Variants in ZNF839 observed in about 807,000 individuals in gnomAD.
ZNF839 encodes renal carcinoma antigen NY-REN-50.
A neutral mutation model predicts 56.4 loss-of-function variants in ZNF839; 38 were observed. The ratio of observed to expected loss-of-function variants is 0.67; its 90% CI spans 0.52 to 0.88. ZNF839 has a LOEUF of 0.88. ZNF839 is among the 40% of genes least tolerant of loss of function. The pLI is 0.00. For synonymous variants in ZNF839, 486 were observed against 493.5 expected, an observed-to-expected ratio of 0.98 and a Z score of 0.20; for missense variants, 1,091 against 1,177.6, an observed-to-expected ratio of 0.93 and a Z score of 1.08.
chr14:102,339,581 C>T (rs1886262156), intron 7 of ZNF839, among the ~76,000 whole-genome samples: 1 of 152,116 alleles, frequency 6.6e-6, no homozygotes, highest in Non-Finnish European at 1.5e-5. Context: ...CCCGTCTCTA[C>T]TAAAAATACA....
At position 102,326,425 on chromosome 14, in the gene ZNF839, G is replaced by A. The variant is rs376366454; in HGVS notation, c.729G>A (p.Ser243=). The A allele has an allele frequency of 1.2e-5, 19 of 1,613,728 alleles. No individual in the cohort carries two copies. In the African/African-American group the frequency reaches 1.5e-4, roughly 12 times the overall value. Residue 243 remains serine (S), a synonymous_variant, in exon 2 of 8, where the codon TCG becomes TCA. Coordinates refer to ENST00000442396, the MANE Select transcript of ZNF839 (RefSeq NM_018335.6). This position sits in a 1 kb window ranked among gnomAD's most constrained non-coding sequence, Gnocchi z 4.3. The part of the protein sequence containing the change: ...HTRHTEKLKK[S]LKVKTRSGRV... ...GACATACTGAGAAACTAAAAAAATC[G>A]TTAAAAGTAAAGACACGTTCTGGAC... is the stretch of plus-strand genomic sequence containing the variant.
chr14:102,334,558 T>C lies in ZNF839; in HGVS notation c.1421T>C (p.Leu474Pro). The change falls in exon 4 of 8, where the codon CTC becomes CCC. Residue 474 changes from leucine to proline, a missense_variant. Around this residue, in one of 3 missense-constraint regions of ZNF839, gnomAD observed 614 missense variants for 629.2 expected, o/e 0.98. Coordinates refer to ENST00000442396, the MANE Select transcript of ZNF839 (RefSeq NM_018335.6). ...TGAAATGCTTTCCCTTGGTAGTTCC[T>C]CCAGCAGTGTGACCGGGAGGATCTG... is the stretch of plus-strand genomic sequence containing the variant. The part of the protein sequence containing the change: ...SPSKARLKEF[L>P]QQCDREDLVE... 5.6e-6 allele frequency: 9 copies of C among 1,609,658 alleles called. No homozygotes were observed. The highest frequency in any genetic ancestry group is 6.8e-6 in the Non-Finnish European group (8 of 1,177,850).
At chr14:102,330,346 C>T (rs1022510271) in intron 2 of ZNF839, among the ~76,000 whole-genome samples, 1 of 151,968 alleles carries the variant, frequency 6.6e-6, no homozygotes. Context: ...GATTCTCCTG[C>T]CTCAGCCTCT....
upstream of ZNF839, chr14:102,319,221 A>G (rs1048327417): frequency 6.6e-6 from 1 of 152,226 alleles, no homozygotes; most frequent in African/African-American, 2.4e-5. This position sits in a 1 kb window ranked among gnomAD's most constrained non-coding sequence, Gnocchi z 4.5. Context: ...TGTGTAATAT[A>G]TCATCTCTCC....
chr14:102,318,188 C>A (rs2072953459), upstream of ZNF839, among the ~76,000 whole-genome samples: 2 of 152,222 alleles, frequency 1.3e-5, no homozygotes, highest in Non-Finnish European at 2.9e-5. Context: ...GATGTCACAT[C>A]TTTTAATAGT....
At chr14:102,329,062 C>G (rs1382575160) in intron 2 of ZNF839, among the ~76,000 whole-genome samples, 5 of 151,528 alleles carry the variant, frequency 3.3e-5, no homozygotes, top group African/African-American at 1.2e-4. Flanking sequence ...CTCTACCTCC[C>G]GGGTTCAAGT....
At chr14:102,334,714 T>G (rs907152430) in intron 4 of ZNF839, 68 bp downstream of exon 4, 6 of 849,092 alleles carry the variant, frequency 7.1e-6, no homozygotes, top group East Asian at 3.4e-5. Flanking sequence ...AATATTATTA[T>G]TTATTAATTA....
rs8004621 is a variant in ZNF839 at position 102,326,847 on chromosome 14, G to A, written c.1151G>A (p.Arg384His). Residue 384 changes from arginine to histidine, a missense_variant, in exon 2 of 8, where the codon CGC becomes CAC. Around this residue, in one of 3 missense-constraint regions of ZNF839, gnomAD observed 614 missense variants for 629.2 expected, o/e 0.98. Coordinates refer to ENST00000442396, the MANE Select transcript of ZNF839 (RefSeq NM_018335.6). The surrounding 1 kb of genome is among the most constrained non-coding windows in gnomAD (Gnocchi z 4.3). ...MPADPCEGGA[R>H]SCLVTESARG... ...GCGGATCCATGTGAGGGAGGGGCCC[G>A]CTCCTGCTTGGTGACAGAGTCAGCA... The A allele has an allele frequency of 3.5e-4, 570 of 1,608,348 alleles. 2 individuals are homozygous for A. In the African/African-American group the frequency reaches 6.5e-3, roughly 18 times the overall value.
intron 2 of ZNF839, among the ~76,000 whole-genome samples, chr14:102,328,674 G>A (rs1567289070): frequency 4.0e-5 from 6 of 151,674 alleles, no homozygotes; most frequent in Admixed American, 3.3e-4. Flanking sequence ...CCCAACCTTC[G>A]ACTTTCTGTC....
At chr14:102,325,700 G>T (rs2073372718) in intron 1 of ZNF839, among the ~76,000 whole-genome samples, 2 of 152,094 alleles carry the variant, frequency 1.3e-5, no homozygotes, top group Admixed American at 1.3e-4. Flanking sequence ...TCACCATGTT[G>T]GCCAGGTTGG....
Position 102,326,527 on chromosome 14 carries a change from G to C in ZNF839, c.831G>C (p.Leu277=). 1 of 1,614,056 alleles carries C rather than the reference G, an allele frequency of 6.2e-7. No homozygotes were observed. Residue 277 remains leucine (L), a synonymous_variant, in exon 2 of 8, where the codon CTG becomes CTC. Transcript: ENST00000442396. This position sits in a 1 kb window ranked among gnomAD's most constrained non-coding sequence, Gnocchi z 4.3. ...IKTEDLADGH[L]SDSDDYSELC... is the part of the protein sequence containing the mutation. ...CAGAGGATCTGGCGGATGGTCATCTGTCAGATTCTGATGATTACTCAGAAC... is the reference window on the plus strand; with the variant it reads ...CAGAGGATCTGGCGGATGGTCATCTCTCAGATTCTGATGATTACTCAGAAC...
At chr14:102,323,321 T>G (rs2073232422) in intron 1 of ZNF839, among the ~76,000 whole-genome samples, 1 of 152,232 alleles carries the variant, frequency 6.6e-6, no homozygotes, top group South Asian at 2.1e-4. Flanking sequence ...TCTGAAATGT[T>G]GGTTGGGAAA....
chr14:102,338,406 T>TGG (rs1322628901), intron 5 of ZNF839, among the ~76,000 whole-genome samples: 10 of 151,638 alleles, frequency 6.6e-5, no homozygotes, highest in African/African-American at 2.4e-4. Context: ...GGCATGGTGG[T>TGG]GCATGCCTGT....
rs1047926366 is a variant in ZNF839, at chr14:102,325,349, A to C, written c.289-636A>C. On this transcript the variant is annotated intron_variant, in intron 1 of 7. Transcript: ENST00000442396. ...GTGAGACCCTAATCTCAGAAAAAAA[A>C]AAAAAAAATGATGTAGAATAGATAC... Among the ~76,000 whole-genome samples the C allele has an allele frequency of 3.3e-5, 5 of 152,076 alleles. No homozygotes were observed. In the Middle Eastern group the frequency reaches 0.01, roughly 310 times the overall value.
At position 102,335,914 on chromosome 14, in the gene ZNF839, T is replaced by TA. The variant is rs146281498; in HGVS notation, c.1659+77dup. ...GAAAGAAGGGCCACGTGCAGTGGCT[T>TA]ATGCTTGTAGTCCCAGTGCTTTGGG... On this transcript the variant is annotated intron_variant, in intron 5 of 7. Coordinates refer to ENST00000442396, the MANE Select transcript of ZNF839 (RefSeq NM_018335.6). The TA allele has an allele frequency of 1.6e-3, 2,403 of 1,530,646 alleles. 28 individuals are homozygous for TA. The African/African-American group carries it at 0.03, about 19-fold the overall frequency. The allele number at this position is 1,530,646 out of a possible 1,614,324, so 94.8% of individuals were successfully genotyped here. A position where few individuals can be genotyped will look rare whatever the true frequency, so the allele number is the denominator to read the frequency against.
Position 102,334,582 on chromosome 14 carries a change from T to A in ZNF839, c.1445T>A (p.Leu482Gln). Residue 482 changes from leucine (L) to glutamine (Q), a missense_variant, in exon 4 of 8, where the codon CTG becomes CAG. By Grantham distance (113) the Leu-to-Gln change is moderately radical. Coordinates refer to ENST00000442396, the MANE Select transcript of ZNF839 (RefSeq NM_018335.6). ...CTCCAGCAGTGTGACCGGGAGGATC[T>A]GGTGGAATTGGCTCTGCCTCAGCTG... is the stretch of plus-strand genomic sequence containing the variant. ...EFLQQCDRED[L>Q]VELALPQLAQ... 6.2e-7 allele frequency: 1 copy of A among 1,612,388 alleles called. No homozygotes were observed. Among genetic ancestry groups the A allele is most frequent in the South Asian group, 1.1e-5 (1 of 90,456 alleles).
chr14:102,326,778 A>T lies in ZNF839; in HGVS notation c.1082A>T (p.Glu361Val), dbSNP rs1050688712. Reference protein sequence around the residue: ...ASGSTLRGCTEERTLSLTSLG... With the variant: ...ASGSTLRGCTVERTLSLTSLG... ...GGAAGCACCCTCCGGGGGTGCACGG[A>T]GGAAAGGACGCTCAGCCTGACCTCC... Residue 361 changes from glutamate to valine, a missense_variant, in exon 2 of 8, where the codon GAG becomes GTG. By Grantham distance (121) the Glu-to-Val change is moderately radical. This residue lies in a region of ZNF839 where 614 missense variants were observed against 629.2 expected (regional missense o/e 0.98). Coordinates refer to ENST00000442396, the MANE Select transcript of ZNF839 (RefSeq NM_018335.6). This position sits in a 1 kb window ranked among gnomAD's most constrained non-coding sequence, Gnocchi z 4.3. 12 of 1,612,488 alleles carry T rather than the reference A, an allele frequency of 7.4e-6. No individual in the cohort carries two copies. The highest frequency in any genetic ancestry group is 1.0e-5 in the Non-Finnish European group (12 of 1,179,438).
At chr14:102,318,044 C>T (rs2072948545), upstream of ZNF839, among the ~76,000 whole-genome samples, 2 of 152,250 alleles carry the variant, frequency 1.3e-5, no homozygotes, top group South Asian at 4.1e-4. Context: ...TCAACATCTA[C>T]AGACCTTGGT....
At chr14:102,320,886 C>T (rs892702826) in intron 1 of ZNF839, among the ~76,000 whole-genome samples, 22 of 152,190 alleles carry the variant, frequency 1.4e-4, no homozygotes, top group Admixed American at 1.2e-3. Flanking sequence ...CTGTAAAATT[C>T]CACCCCATTT....
Sources: gnomAD v4.1 joint callset for allele counts (sites outside exome capture counted in the v4.1 genomes callset) on GRCh38, gnomAD v4.1.1 for gene constraint, gnomAD v4.1.1 regional missense constraint, Gnocchi (gnomAD v3.1) non-coding constraint, MANE v1.5 for transcripts, NCBI Gene and HGNC (gene_info 2026-07-23, HGNC 2026-07-21) for gene names.